PRLR: variants seen among roughly 807,000 people sequenced by gnomAD.
The protein encoded by PRLR is hPRL receptor.
In PRLR, 13 loss-of-function variants were observed where a neutral mutation model predicts 40.2. The ratio of observed to expected loss-of-function variants is 0.32; its 90% CI spans 0.21 to 0.51. The LOEUF (loss-of-function observed/expected upper bound fraction) is 0.51, where lower values mean the gene tolerates loss of function less well. Ranked by LOEUF, PRLR falls within the 20% of genes least tolerant of loss-of-function variation. PRLR has a pLI of 0.97. For missense variants in PRLR, 656 were observed against 747.3 expected (o/e 0.88, Z 1.42); for synonymous variants, 269 against 278.7 (o/e 0.97, Z 0.35).
At chr5:35,224,320 G>C (rs1776498277) in intron 1 of PRLR, among the ~76,000 whole-genome samples, 1 of 152,160 alleles carries the variant, frequency 6.6e-6, no homozygotes. Context: ...TTTAGAGCAA[G>C]AGGTCTCTCA....
At chr5:35,178,868 C>T (rs1775216616) in intron 1 of PRLR, among the ~76,000 whole-genome samples, 1 of 152,074 alleles carries the variant, frequency 6.6e-6, no homozygotes, top group African/African-American at 2.4e-5. Context: ...TGTGTAAATA[C>T]AGATCTCACT....
intron 1 of PRLR, among the ~76,000 whole-genome samples, chr5:35,122,483 A>T (rs1453548703): frequency 2.0e-5 from 3 of 152,168 alleles, no homozygotes; most frequent in Admixed American, 2.0e-4. Context: ...GCTCCCACTT[A>T]TAAGTGAGAA....
chr5:35,168,347 A>G (rs1427167873), intron 1 of PRLR, among the ~76,000 whole-genome samples: 2 of 152,120 alleles, frequency 1.3e-5, no homozygotes, highest in Non-Finnish European at 2.9e-5. Context: ...ATGATTAAGA[A>G]ATGACTTAAT....
At chr5:35,161,803 C>A (rs1304917943) in intron 1 of PRLR, among the ~76,000 whole-genome samples, 3 of 152,224 alleles carry the variant, frequency 2.0e-5, no homozygotes, top group Non-Finnish European at 4.4e-5. Flanking sequence ...AGCCAGTATG[C>A]TTGGCAGCCC....
chr5:35,084,694 T>A (rs1770735035), intron 4 of PRLR, 55 bp from the exon 5 acceptor site: 2 of 1,539,468 alleles, frequency 1.3e-6, no homozygotes, highest in African/African-American at 2.8e-5. Flanking sequence ...AGAGTCTAGT[T>A]TTTTTCTTCA....
At chr5:35,224,730 A>G (rs1435190767) in intron 1 of PRLR, among the ~76,000 whole-genome samples, 1 of 152,198 alleles carries the variant, frequency 6.6e-6, no homozygotes, top group Non-Finnish European at 1.5e-5. Flanking sequence ...GTTGGGGGAA[A>G]AAAAGGGAGA....
intron 1 of PRLR, among the ~76,000 whole-genome samples, chr5:35,172,207 T>C (rs7733327): frequency 0.29 from 43,399 of 152,146 alleles, 6,324 homozygotes; most frequent in Middle Eastern, 0.34. Flanking sequence ...ACTGCAGGCA[T>C]GACAGGGCCG....
chr5:35,175,070 T>C (rs576424130), intron 1 of PRLR, among the ~76,000 whole-genome samples: 2 of 152,170 alleles, frequency 1.3e-5, no homozygotes, highest in Non-Finnish European at 2.9e-5. Context: ...CAATTAAAGA[T>C]AAATGGATGG....
intron 2 of PRLR, among the ~76,000 whole-genome samples, chr5:35,112,560 G>A (rs1425084691): frequency 6.6e-6 from 1 of 152,052 alleles, no homozygotes; most frequent in Non-Finnish European, 1.5e-5. Context: ...GCTAGGGGAG[G>A]GAAAGCACTG....
chr5:35,209,247 C>A (rs1776105350), intron 1 of PRLR, among the ~76,000 whole-genome samples: 1 of 151,968 alleles, frequency 6.6e-6, no homozygotes, highest in Non-Finnish European at 1.5e-5. Context: ...CATAAGAATC[C>A]ATTTTCCTAA....
At chr5:35,176,511 C>A (rs1775152017) in intron 1 of PRLR, among the ~76,000 whole-genome samples, 2 of 152,164 alleles carry the variant, frequency 1.3e-5, no homozygotes, top group South Asian at 2.1e-4. Context: ...AATCTATAAC[C>A]TTACCCCCAA....
intron 1 of PRLR, among the ~76,000 whole-genome samples, chr5:35,143,520 T>C (rs973580153): frequency 2.6e-5 from 4 of 152,238 alleles, no homozygotes; most frequent in Non-Finnish European, 5.9e-5. Flanking sequence ...CAAACCTCGT[T>C]TGTTTTCTTC....
downstream of PRLR, among the ~76,000 whole-genome samples, chr5:35,053,482 G>A (rs938633976): frequency 1.4e-4 from 22 of 152,078 alleles, no homozygotes; most frequent in African/African-American, 5.3e-4. Context: ...GCAAAACCTC[G>A]TCTCTACTAA....
At chr5:35,157,652 C>G (rs1774548884) in intron 1 of PRLR, among the ~76,000 whole-genome samples, 1 of 152,230 alleles carries the variant, frequency 6.6e-6, no homozygotes, top group Admixed American at 6.5e-5. Flanking sequence ...AGAAGACACT[C>G]TGGCATCTAC....
chr5:35,088,738 A>T (rs938850855), intron 3 of PRLR, among the ~76,000 whole-genome samples: 3 of 152,138 alleles, frequency 2.0e-5, no homozygotes, highest in Admixed American at 6.5e-5. Flanking sequence ...AGATGCCCAC[A>T]CAGAGCCCGC....
At chr5:35,087,233 G>C (rs1770911743) in intron 3 of PRLR, among the ~76,000 whole-genome samples, 1 of 152,072 alleles carries the variant, frequency 6.6e-6, no homozygotes, top group African/African-American at 2.4e-5. Context: ...CTCGTGCTCT[G>C]CCCACCTTGG....
At chr5:35,080,151 A>G (rs530751020) in intron 5 of PRLR, among the ~76,000 whole-genome samples, 1,785 of 152,304 alleles carry the variant, frequency 0.012, 30 homozygotes, top group African/African-American at 0.04. Context: ...TGACTAAAAC[A>G]CCAAAAGCAA....
intron 5 of PRLR, among the ~76,000 whole-genome samples, chr5:35,083,578 G>T (rs1770664783): frequency 6.7e-6 from 1 of 150,058 alleles, no homozygotes; most frequent in African/African-American, 2.5e-5. Context: ...GGAGTGCAGT[G>T]GCATGATCTT....
chr5:35,098,846 C>T (rs895519519), intron 2 of PRLR, among the ~76,000 whole-genome samples: 3 of 152,140 alleles, frequency 2.0e-5, no homozygotes, highest in Non-Finnish European at 4.4e-5. Flanking sequence ...GGCCCAAAGA[C>T]TTGAAAGGTA....
Sources: allele counts gnomAD v4.1 joint callset (sites outside exome capture counted in the v4.1 genomes callset), GRCh38; gene constraint gnomAD v4.1.1; transcripts MANE v1.5; gene names NCBI Gene and HGNC (gene_info 2026-07-23, HGNC 2026-07-21).